The following ITGAM variants were observed in gnomAD, a reference collection of about 807,000 sequenced individuals.
The protein encoded by ITGAM is integrin subunit alpha M, also known as integrin alpha-M.
In ITGAM, 79 loss-of-function variants were observed where a neutral mutation model predicts 137.5. The ratio of observed to expected loss-of-function variants is 0.57; its 90% CI spans 0.48 to 0.69. The LOEUF (loss-of-function observed/expected upper bound fraction) is 0.69. Ranked by LOEUF, ITGAM falls within the 30% of genes least tolerant of loss-of-function variation. The probability of loss-of-function intolerance (pLI) is 0.00; values close to 1 mark genes in which losing one functional copy is unlikely to be tolerated. For missense variants in ITGAM, 1,343 were observed against 1,483.5 expected (o/e 0.91, Z 1.56); for synonymous variants, 583 against 592.3 (o/e 0.98, Z 0.23).
intron 14 of ITGAM, among the ~76,000 whole-genome samples, chr16:31,311,480 G>A (rs1241075149): frequency 1.3e-5 from 2 of 152,186 alleles, no homozygotes; most frequent in Non-Finnish European, 2.9e-5. Context: ...TGAAGGATAT[G>A]AACAGACACT....
intron 14 of ITGAM, among the ~76,000 whole-genome samples, chr16:31,301,612 T>G (rs1394291355): frequency 6.6e-6 from 1 of 152,204 alleles, no homozygotes; most frequent in Non-Finnish European, 1.5e-5. Flanking sequence ...CTCATATATT[T>G]GGAACTAAAA....
chr16:31,316,746 G>T (rs903633754), intron 14 of ITGAM, among the ~76,000 whole-genome samples: 2 of 152,060 alleles, frequency 1.3e-5, no homozygotes, highest in African/African-American at 4.8e-5. Context: ...CATAATATGG[G>T]ATATCTTTCC....
Position 31,329,869 on chromosome 16 carries a change from T to G in ITGAM, c.2940T>G (p.Thr980=), listed in dbSNP as rs972608648. 1.3e-6 allele frequency: 2 copies of G among 1,564,692 alleles called. No homozygotes were observed. Among genetic ancestry groups the G allele is most frequent in the Non-Finnish European group, 1.7e-6 (2 of 1,154,656 alleles). The change falls in exon 25 of 30, where the codon ACT becomes ACG. Residue 980 remains threonine (T), a synonymous_variant. Coordinates refer to ENST00000544665, the MANE Select transcript of ITGAM (RefSeq NM_000632.4). ...TGGTGCCCGTCCGGCTGAACCAGACTGTCATATGGGACCGCCCCCAGGTCA... is the reference window on the plus strand; with the variant it reads ...TGGTGCCCGTCCGGCTGAACCAGACGGTCATATGGGACCGCCCCCAGGTCA... ...VFLVPVRLNQ[T]VIWDRPQVTF...
chr16:31,327,080 G>A (rs1045076559), intron 22 of ITGAM, 145 bp downstream of exon 22: 2 of 731,188 alleles, frequency 2.7e-6, no homozygotes, highest in African/African-American at 1.7e-5. Flanking sequence ...CACCCACCAC[G>A]TGCTGGGCCT....
At position 31,324,917 on chromosome 16, in the gene ITGAM, A is replaced by T; in HGVS notation, c.2290-41A>T. 1.3e-5 allele frequency: 19 copies of T among 1,459,372 alleles called. No homozygotes were observed. The highest frequency in any genetic ancestry group is 1.8e-4 in the Middle Eastern group (1 of 5,680). 90.4% of individuals were successfully genotyped at this position (1,459,372 alleles called of 1,614,324 possible). On this transcript the variant is annotated intron_variant, in intron 18 of 29. Transcript: ENST00000544665. This position sits in a 1 kb window ranked among gnomAD's most constrained non-coding sequence, Gnocchi z 4.5. ...TTGTTTAATTTCACAATACTTGGTT[A>T]TTTTCTTTCCTTTCATTTGATCATA...
chr16:31,260,268 C>A (rs1255484641), intron 1 of ITGAM, among the ~76,000 whole-genome samples, 176 bp downstream of exon 1: 1 of 152,086 alleles, frequency 6.6e-6, no homozygotes, highest in Non-Finnish European at 1.5e-5. Context: ...GACAGGCTGG[C>A]CAGGGAAGCC....
Position 31,321,490 on chromosome 16 carries a change from C to A in ITGAM, c.1865C>A (p.Ala622Glu). The change falls in exon 16 of 30, where the codon GCA becomes GAA. Residue 622 changes from alanine to glutamate, a missense_variant. Transcript: ENST00000544665. ...LRSQPVLRVKAIMEFNPREVA... is the reference protein window; with the variant it reads ...LRSQPVLRVKEIMEFNPREVA... Reference sequence around the variant, plus strand: ...TCCCAGCCAGTACTGAGAGTCAAGGCAATCATGGAGTTCAATCCCAGGGAA... The same window carrying A: ...TCCCAGCCAGTACTGAGAGTCAAGGAAATCATGGAGTTCAATCCCAGGGAA... 1 of 1,613,960 alleles carries A rather than the reference C, an allele frequency of 6.2e-7. No individual in the cohort carries two copies. Among genetic ancestry groups the A allele is most frequent in the Non-Finnish European group, 8.5e-7 (1 of 1,179,868 alleles).
At chr16:31,304,792 T>C (rs556058890) in intron 14 of ITGAM, among the ~76,000 whole-genome samples, 2 of 152,278 alleles carry the variant, frequency 1.3e-5, no homozygotes, top group South Asian at 2.1e-4. Context: ...TATTTCTGGG[T>C]TCTTTGTTTT....
In ITGAM at chr16:31,321,468, C is replaced by T. The variant is rs776842717; in HGVS notation, c.1843C>T (p.Gln615Ter). The change falls in exon 16 of 30, where the codon CAG (glutamine) becomes TAG (stop). Residue 615 changes from glutamine to a stop codon, truncating the protein, a stop_gained. Coordinates refer to ENST00000544665, the MANE Select transcript of ITGAM (RefSeq NM_000632.4). LOFTEE classifies it high-confidence loss of function. ...GGTTTTCTGGTGTCCCTTTAGGTCC[C>T]AGCCAGTACTGAGAGTCAAGGCAAT... Reference protein sequence around the residue: ...AQGHVLLLRSQPVLRVKAIME... With the variant: ...AQGHVLLLRS 3 of 1,613,952 alleles carry T rather than the reference C, an allele frequency of 1.9e-6. No individual in the cohort carries two copies. Among genetic ancestry groups the T allele is most frequent in the Non-Finnish European group, 2.5e-6 (3 of 1,179,868 alleles).
intron 5 of ITGAM, among the ~76,000 whole-genome samples, chr16:31,270,720 TATATATATATATATATATATATA>T (rs1203931238): frequency 1.9e-5 from 2 of 105,852 alleles, no homozygotes; most frequent in African/African-American, 4.1e-5. Context: ...TATATATATA[TATATATATATATATATATATATA>T]TGTTTTTAAC....
chr16:31,277,924 G>A (rs578175596), intron 11 of ITGAM, 43 bp from the exon 12 acceptor site: 2 of 1,548,286 alleles, frequency 1.3e-6, no homozygotes, highest in Non-Finnish European at 1.7e-6. Flanking sequence ...TGGTGGAGGA[G>A]GGGGCAGGGA....
intron 2 of ITGAM, among the ~76,000 whole-genome samples, chr16:31,265,084 A>C (rs1596967640): frequency 1.3e-5 from 2 of 151,804 alleles, no homozygotes; most frequent in Admixed American, 1.3e-4. Context: ...GCCCAGGCTG[A>C]TCTTGAACTC....
intron 14 of ITGAM, among the ~76,000 whole-genome samples, chr16:31,302,995 TC>T (rs1344514403): frequency 4.5e-4 from 62 of 139,300 alleles, no homozygotes; most frequent in Non-Finnish European, 7.5e-4. Context: ...TTTCTTTCTT[TC>T]TTTTTCTTTC....
intron 2 of ITGAM, among the ~76,000 whole-genome samples, chr16:31,262,411 T>G (rs2079715973): frequency 1.3e-5 from 2 of 148,782 alleles, no homozygotes; most frequent in South Asian, 4.3e-4. Context: ...TTCATTTCTT[T>G]CTTTCCTTTC....
At chr16:31,290,616 T>C (rs1159808078) in intron 12 of ITGAM, among the ~76,000 whole-genome samples, 1 of 152,108 alleles carries the variant, frequency 6.6e-6, no homozygotes, top group Admixed American at 6.6e-5. Context: ...ACAAAAAATC[T>C]CTACCAGGCA....
intron 12 of ITGAM, among the ~76,000 whole-genome samples, chr16:31,279,394 C>A (rs1374741738): frequency 2.6e-5 from 4 of 152,210 alleles, no homozygotes; most frequent in African/African-American, 7.2e-5. Context: ...TCCTCTCCAG[C>A]ACGTGTTGTT....
intron 25 of ITGAM, 80 bp downstream of exon 25, chr16:31,329,985 G>A: frequency 2.0e-6 from 3 of 1,528,946 alleles, no homozygotes; most frequent in Admixed American, 1.9e-5. Flanking sequence ...TTTTAGAGCC[G>A]CTCCGCCCCT....
chr16:31,292,498 A>G (rs1304210505), intron 12 of ITGAM, among the ~76,000 whole-genome samples: 4 of 152,122 alleles, frequency 2.6e-5, no homozygotes, highest in Non-Finnish European at 5.9e-5. Context: ...TCCCACTAAT[A>G]AGTGAGAACA....
chr16:31,290,888 T>C (rs2080080542), intron 12 of ITGAM, among the ~76,000 whole-genome samples: 1 of 152,152 alleles, frequency 6.6e-6, no homozygotes, highest in Non-Finnish European at 1.5e-5. Context: ...TCTCAGGATA[T>C]AGGAGCAATG....
Sources: allele counts gnomAD v4.1 joint callset (sites outside exome capture counted in the v4.1 genomes callset), GRCh38; gene constraint gnomAD v4.1.1; non-coding constraint Gnocchi (gnomAD v3.1); transcripts MANE v1.5; gene names NCBI Gene and HGNC (gene_info 2026-07-23, HGNC 2026-07-21).